KIAA1328: variants seen among roughly 807,000 people sequenced by gnomAD.
KIAA1328 encodes the protein KIAA1328, also known as protein hinderin.
KIAA1328 carries 52 observed loss-of-function variants against 68.1 expected under a neutral mutation model. The observed-to-expected ratio is 0.76, with a 90% confidence interval of 0.61 to 0.96. The LOEUF is 0.96. Among genes scored for constraint, KIAA1328 ranks in the 40% least tolerant of loss-of-function variants. The pLI, the probability that KIAA1328 is intolerant of heterozygous loss-of-function variation, is 0.00. For missense variants in KIAA1328, 641 were observed against 677.6 expected, an observed-to-expected ratio of 0.95 and a Z score of 0.60; for synonymous variants, 232 against 239.4, an observed-to-expected ratio of 0.97 and a Z score of 0.28.
chr18:37,186,296 G>A (rs1490021174), intron 9 of KIAA1328, among the ~76,000 whole-genome samples: 1 of 151,784 alleles, frequency 6.6e-6, no homozygotes, highest in East Asian at 1.9e-4. Flanking sequence ...AGGAGGCTGA[G>A]TGCAGTGGCT....
At chr18:37,115,467 C>A (rs2058077920) in intron 7 of KIAA1328, among the ~76,000 whole-genome samples, 1 of 152,200 alleles carries the variant, frequency 6.6e-6, no homozygotes, top group African/African-American at 2.4e-5. Context: ...TTCAACAGCC[C>A]TTCATGCTAA....
At chr18:37,094,219 C>T (rs531266921) in intron 7 of KIAA1328, among the ~76,000 whole-genome samples, 2 of 152,256 alleles carry the variant, frequency 1.3e-5, no homozygotes, top group South Asian at 2.1e-4. Flanking sequence ...CAGTAATGCT[C>T]GCTTGCCTAC....
chr18:36,975,174 CA>C (rs1228722342), intron 6 of KIAA1328, among the ~76,000 whole-genome samples: 16 of 144,108 alleles, frequency 1.1e-4, no homozygotes, highest in African/African-American at 4.1e-4. Flanking sequence ...GTACAAGCTA[CA>C]ATTTTTTTTT....
chr18:36,936,286 C>G (rs2050496158), intron 5 of KIAA1328, among the ~76,000 whole-genome samples: 1 of 152,082 alleles, frequency 6.6e-6, no homozygotes, highest in African/African-American at 2.4e-5. Context: ...CACCACCCAC[C>G]CCCAACAGGC....
intron 7 of KIAA1328, among the ~76,000 whole-genome samples, chr18:37,114,598 A>T (rs2058045972): frequency 6.6e-6 from 1 of 152,366 alleles, no homozygotes; most frequent in East Asian, 1.9e-4. Context: ...CAGTTAAAAG[A>T]ACTAGAGAAG....
At chr18:36,940,799 C>A (rs2050682683) in intron 5 of KIAA1328, among the ~76,000 whole-genome samples, 1 of 151,918 alleles carries the variant, frequency 6.6e-6, no homozygotes, top group Non-Finnish European at 1.5e-5. Flanking sequence ...CCTCAGCCTC[C>A]TGAGTAGCTG....
At position 37,082,166 on chromosome 18, in the gene KIAA1328, AT is replaced by A. The variant is rs34106395; in HGVS notation, c.1232+14643del. 1.2e-3 allele frequency among the ~76,000 whole-genome samples: 124 copies of A among 100,422 alleles called. 1 individual carries two copies. The highest frequency in any genetic ancestry group is 6.0e-3 in the Middle Eastern group (1 of 168). 65.9% of individuals were successfully genotyped at this position (100,422 alleles called of 152,430 possible). A position where few individuals can be genotyped will look rare whatever the true frequency, so the allele number is the denominator to read the frequency against. ...AGCTTGTCATTTACCTGCCCCAAGGATTTTTTTTTTTTTTTTTTTTTTGGAT... is the reference window on the plus strand; with the variant it reads ...AGCTTGTCATTTACCTGCCCCAAGGATTTTTTTTTTTTTTTTTTTTTGGAT... On this transcript the variant is annotated intron_variant, in intron 7 of 9. Transcript: ENST00000280020.
At chr18:37,071,219 C>T (rs759019203) in intron 7 of KIAA1328, among the ~76,000 whole-genome samples, 9 of 151,880 alleles carry the variant, frequency 5.9e-5, no homozygotes, top group East Asian at 1.9e-4. Flanking sequence ...ACTACAGGCA[C>T]GTGCTGCCAT....
chr18:37,089,998 T>A (rs1461740189), intron 7 of KIAA1328, among the ~76,000 whole-genome samples: 1 of 152,194 alleles, frequency 6.6e-6, no homozygotes, highest in African/African-American at 2.4e-5. Context: ...CTCTTATTTG[T>A]CATTAAGGCC....
intron 7 of KIAA1328, among the ~76,000 whole-genome samples, chr18:37,158,525 A>G (rs1434844652): frequency 6.6e-6 from 1 of 152,160 alleles, no homozygotes; most frequent in African/African-American, 2.4e-5. Flanking sequence ...CCATAGTCAC[A>G]GAGGGGATGG....
chr18:36,898,770 T>G (rs1270489679), intron 5 of KIAA1328, among the ~76,000 whole-genome samples: 1 of 151,914 alleles, frequency 6.6e-6, no homozygotes, highest in Non-Finnish European at 1.5e-5. Flanking sequence ...TTTGGAAAGT[T>G]TGTTCTAACT....
intron 5 of KIAA1328, among the ~76,000 whole-genome samples, chr18:36,916,087 A>G (rs2151089694): frequency 6.6e-6 from 1 of 152,238 alleles, no homozygotes; most frequent in Non-Finnish European, 1.5e-5. Flanking sequence ...TGTGAGGTTC[A>G]CTGAGCTTTT....
At chr18:36,987,161 A>T (rs1456911062) in intron 6 of KIAA1328, among the ~76,000 whole-genome samples, 2 of 49,838 alleles carry the variant, frequency 4.0e-5, no homozygotes, top group Middle Eastern at 5.9e-3. Flanking sequence ...AGCCATAAAA[A>T]ATGATGAGTT....
chr18:36,871,399 C>T lies in KIAA1328; in HGVS notation c.333-14158C>T, dbSNP rs76501096. On this transcript the variant is annotated intron_variant, in intron 4 of 9. Transcript: ENST00000280020. ...CAGGGGCTACCTGAAATTGACATGCCTTTTTGCTGATGATGTTAAACTTGA... is the reference window on the plus strand; with the variant it reads ...CAGGGGCTACCTGAAATTGACATGCTTTTTTGCTGATGATGTTAAACTTGA... 3.6e-3 allele frequency among the ~76,000 whole-genome samples: 555 copies of T among 152,148 alleles called. 2 individuals are homozygous for T. The highest frequency in any genetic ancestry group is 0.014 in the Middle Eastern group (4 of 294).
At chr18:37,155,722 C>T (rs1175658239) in intron 7 of KIAA1328, among the ~76,000 whole-genome samples, 2 of 152,114 alleles carry the variant, frequency 1.3e-5, no homozygotes, top group African/African-American at 4.8e-5. Flanking sequence ...GAGTTCAAGC[C>T]CCTCAGCATG....
intron 5 of KIAA1328, chr18:36,954,367 C>T (rs2051311485): frequency 3.3e-5 from 5 of 152,304 alleles, no homozygotes; most frequent in Middle Eastern, 3.4e-3. Context: ...CAGATTAAAA[C>T]ATAAGCGATG....
chr18:37,026,442 A>G (rs982359622), intron 6 of KIAA1328, among the ~76,000 whole-genome samples: 8 of 152,208 alleles, frequency 5.3e-5, no homozygotes, highest in Non-Finnish European at 5.9e-5. Context: ...TTAGACCAAT[A>G]TCCCTGATGA....
chr18:36,927,862 A>G (rs2050176105), intron 5 of KIAA1328, among the ~76,000 whole-genome samples: 1 of 152,010 alleles, frequency 6.6e-6, no homozygotes, highest in Non-Finnish European at 1.5e-5. Flanking sequence ...GGAAACAAGG[A>G]AAGAAAGAAA....
intron 8 of KIAA1328, among the ~76,000 whole-genome samples, chr18:37,170,528 A>G (rs1338886512): frequency 6.6e-6 from 1 of 152,196 alleles, no homozygotes; most frequent in African/African-American, 2.4e-5. Context: ...TTTCAGTTTA[A>G]TGCTTTTGCT....
Sources: gnomAD v4.1 joint callset for allele counts (sites outside exome capture counted in the v4.1 genomes callset) on GRCh38, gnomAD v4.1.1 for gene constraint, MANE v1.5 for transcripts, NCBI Gene and HGNC (gene_info 2026-07-23, HGNC 2026-07-21) for gene names.